The following CALN1 variants were observed in gnomAD, a reference collection of about 807,000 sequenced individuals.
CALN1 encodes calneuron 1, also known as calcium-binding protein 8.
Under a neutral mutation model 30.6 loss-of-function variants are expected in CALN1, and 17 were observed. The ratio of observed to expected loss-of-function variants is 0.56; its 90% CI spans 0.38 to 0.83. The LOEUF (loss-of-function observed/expected upper bound fraction) is 0.83, where lower values mean the gene tolerates loss of function less well. CALN1 is among the 40% of genes least tolerant of loss of function. The pLI is 0.00. For missense variants in CALN1, 291 were observed against 354.9 expected, an observed-to-expected ratio of 0.82 and a Z score of 1.45; for synonymous variants, 156 against 131.4, an observed-to-expected ratio of 1.19 and a Z score of -1.28.
At chr7:72,310,531 T>TGG (rs1472457566) in intron 2 of CALN1, among the ~76,000 whole-genome samples, 1 of 151,832 alleles carries the variant, frequency 6.6e-6, no homozygotes, top group African/African-American at 2.4e-5. Flanking sequence ...GATAATACCT[T>TGG]GGGTAGTGCC....
At chr7:71,961,270 T>C (rs1238491240) in intron 5 of CALN1, among the ~76,000 whole-genome samples, 1 of 152,200 alleles carries the variant, frequency 6.6e-6, no homozygotes, top group African/African-American at 2.4e-5. Flanking sequence ...GGGTATACAA[T>C]AGCAAACAAG....
chr7:71,821,576 C>T (rs951092120), intron 5 of CALN1, among the ~76,000 whole-genome samples: 4 of 152,142 alleles, frequency 2.6e-5, no homozygotes, highest in African/African-American at 9.6e-5. Context: ...TATTATCTCC[C>T]ACTAGGTCCC....
At chr7:72,276,631 G>A (rs1797349644) in intron 3 of CALN1, among the ~76,000 whole-genome samples, 1 of 151,662 alleles carries the variant, frequency 6.6e-6, no homozygotes, top group Non-Finnish European at 1.5e-5. Flanking sequence ...CATTATCTCG[G>A]GGGGAGTTCA....
Position 71,834,582 on chromosome 7 carries a change from G to A in CALN1, c.502-24090C>T, listed in dbSNP as rs184256921. Among the ~76,000 whole-genome samples, 53 of 152,220 alleles carry A rather than the reference G, an allele frequency of 3.5e-4. No homozygotes were observed. The East Asian group carries it at 4.4e-3, about 13-fold the overall frequency. On this transcript the variant is annotated intron_variant, in intron 5 of 6. Transcript: ENST00000395275. The stretch of plus-strand genomic sequence containing the variant: ...TTCTGAGATGGAAAAGTGAAACTAA[G>A]GGGGTTATTATGATTTTTTTCTTAG...
chr7:72,411,833 G>C (rs530298633), intron 1 of CALN1, among the ~76,000 whole-genome samples: 1 of 152,162 alleles, frequency 6.6e-6, no homozygotes, highest in Non-Finnish European at 1.5e-5. Flanking sequence ...CAATTGTCCT[G>C]CTTTTTCCAT....
At chr7:72,442,049 C>T (rs912611961) in intron 1 of CALN1, among the ~76,000 whole-genome samples, 1 of 152,130 alleles carries the variant, frequency 6.6e-6, no homozygotes, top group Non-Finnish European at 1.5e-5. Context: ...GAGTCATCCT[C>T]GACTCATCTC....
At chr7:72,255,426 T>A (rs1203859080) in intron 3 of CALN1, among the ~76,000 whole-genome samples, 2 of 149,094 alleles carry the variant, frequency 1.3e-5, no homozygotes, top group Non-Finnish European at 3.0e-5. Context: ...TTATTGTTAT[T>A]TTTTTTGAGA....
At chr7:72,142,841 C>T (rs533974010) in intron 3 of CALN1, among the ~76,000 whole-genome samples, 7 of 152,202 alleles carry the variant, frequency 4.6e-5, no homozygotes, top group East Asian at 1.9e-4. Flanking sequence ...CTGCAGCCTC[C>T]GCTACTGATA....
chr7:72,348,495 A>G lies in CALN1; in HGVS notation c.119+54756T>C, dbSNP rs545690480. Reference sequence around the variant, plus strand: ...ACAGATAGAAAGGTGGAAATTTTTTATAACGATTTAAGTTCCTAGTTGACA... The same window carrying G: ...ACAGATAGAAAGGTGGAAATTTTTTGTAACGATTTAAGTTCCTAGTTGACA... On this transcript the variant is annotated intron_variant, in intron 2 of 6. Coordinates refer to ENST00000395275, the MANE Select transcript of CALN1 (RefSeq NM_031468.4). Among the ~76,000 whole-genome samples, 48 of 152,370 alleles carry G rather than the reference A, an allele frequency of 3.2e-4. 1 individual carries two copies. The South Asian group carries it at 9.9e-3, about 32-fold the overall frequency.
chr7:72,033,168 T>C (rs142204174), intron 4 of CALN1, among the ~76,000 whole-genome samples: 4 of 131,986 alleles, frequency 3.0e-5, no homozygotes, highest in Admixed American at 1.4e-4. Context: ...CCCACTGCTA[T>C]GTGAGTCAAA....
the CALN1 span, among the ~76,000 whole-genome samples, chr7:72,496,008 C>A: frequency 2.6e-5 from 4 of 152,178 alleles, no homozygotes; most frequent in Admixed American, 2.6e-4. Context: ...GCAACCTGTA[C>A]CTCCCAGGTT....
intron 3 of CALN1, among the ~76,000 whole-genome samples, chr7:72,230,924 A>G (rs1315548473): frequency 6.6e-6 from 1 of 152,178 alleles, no homozygotes; most frequent in Admixed American, 6.6e-5. Context: ...GGAAAATTCC[A>G]GAAATAAAAA....
At chr7:71,946,721 A>G (rs1796424754) in intron 5 of CALN1, among the ~76,000 whole-genome samples, 1 of 152,160 alleles carries the variant, frequency 6.6e-6, no homozygotes, top group African/African-American at 2.4e-5. Context: ...GGCAAGCATG[A>G]AAAGGCCTTT....
chr7:72,180,714 C>A (rs1391682321), intron 3 of CALN1, among the ~76,000 whole-genome samples: 1 of 149,632 alleles, frequency 6.7e-6, no homozygotes, highest in Non-Finnish European at 1.5e-5. Flanking sequence ...CTCAAGTGAT[C>A]CTCCAGCCTC....
At chr7:72,433,219 G>A (rs757872328) in intron 1 of CALN1, among the ~76,000 whole-genome samples, 1 of 152,104 alleles carries the variant, frequency 6.6e-6, no homozygotes, top group Admixed American at 6.5e-5. Flanking sequence ...CCCTGACCAG[G>A]TAGCAGCCTA....
At chr7:72,453,382 C>T in the CALN1 span, among the ~76,000 whole-genome samples, 1 of 152,296 alleles carries the variant, frequency 6.6e-6, no homozygotes, top group South Asian at 2.1e-4. Context: ...AAGGGGCAGG[C>T]TATTCAGAAG....
intron 6 of CALN1, among the ~76,000 whole-genome samples, chr7:71,790,368 A>AAAGAAAAG (rs1470378217): frequency 2.8e-4 from 35 of 123,792 alleles, no homozygotes; most frequent in African/African-American, 7.9e-4. Context: ...AGAAAGAAAG[A>AAAGAAAAG]AAAGAAAGAA....
intron 3 of CALN1, among the ~76,000 whole-genome samples, chr7:72,181,096 ACCC>A (rs199527098): frequency 0.29 from 21,566 of 74,828 alleles, 3,022 homozygotes; most frequent in East Asian, 0.63. Context: ...AAACTGCATA[ACCC>A]CCCCCCCCCC....
At chr7:72,128,364 C>A (rs921877055) in intron 3 of CALN1, among the ~76,000 whole-genome samples, 2 of 151,986 alleles carry the variant, frequency 1.3e-5, no homozygotes, top group Non-Finnish European at 2.9e-5. Flanking sequence ...AACGTGGGGA[C>A]AACTAAGTAG....
Sources: allele counts gnomAD v4.1 joint callset (sites outside exome capture counted in the v4.1 genomes callset), GRCh38; gene constraint gnomAD v4.1.1; transcripts MANE v1.5; gene names NCBI Gene and HGNC (gene_info 2026-07-23, HGNC 2026-07-21).